Variants in PDIA4 observed in about 807,000 individuals in gnomAD.
The protein encoded by PDIA4 is protein disulfide isomerase family A member 4.
PDIA4 carries 33 observed loss-of-function variants against 62.1 expected under a neutral mutation model. That is an observed-to-expected ratio of 0.53 (90% CI 0.40 to 0.71). PDIA4 has a LOEUF of 0.71. Among genes scored for constraint, PDIA4 ranks in the 30% least tolerant of loss-of-function variants. The pLI, the probability that PDIA4 is intolerant of heterozygous loss-of-function variation, is 0.00. For missense variants in PDIA4, 804 were observed against 813.6 expected, an observed-to-expected ratio of 0.99 and a Z score of 0.14; for synonymous variants, 341 against 324.1, an observed-to-expected ratio of 1.05 and a Z score of -0.56.
At chr7:149,018,940 C>T (rs1824243418) in intron 3 of PDIA4, 52 bp downstream of exon 3, 2 of 1,390,180 alleles carry the variant, frequency 1.4e-6, no homozygotes, top group Non-Finnish European at 2.0e-6. Flanking sequence ...AGCCAAATTC[C>T]CATTCCCTGC....
intron 6 of PDIA4, among the ~76,000 whole-genome samples, chr7:149,010,760 G>A (rs1585416443): frequency 6.6e-6 from 1 of 152,316 alleles, no homozygotes; most frequent in Non-Finnish European, 1.5e-5. Flanking sequence ...CCCATCTGCA[G>A]CCCTAACCCT....
At chr7:149,022,229 GA>G (rs1361271478) in intron 1 of PDIA4, among the ~76,000 whole-genome samples, 4 of 152,090 alleles carry the variant, frequency 2.6e-5, no homozygotes, top group Admixed American at 2.0e-4. Context: ...AAGAGGGCGG[GA>G]AATCTCATTT....
At position 149,028,325 on chromosome 7, in the gene PDIA4, G is replaced by T. The variant is rs368592590; in HGVS notation, c.84C>A (p.Asp28Glu). 3,790 of 1,520,710 alleles carry T rather than the reference G, an allele frequency of 2.5e-3. 13 individuals are homozygous for T. The highest frequency in any genetic ancestry group is 3.0e-3 in the Non-Finnish European group (3,460 of 1,137,568). 94.2% of individuals were successfully genotyped at this position (1,520,710 alleles called of 1,614,324 possible). ...CGCGGCGCGCTTGCCGCTCACCCTC[G>T]TCCGGGCCCTCGGCACCCGCCACGG... is the stretch of plus-strand genomic sequence containing the variant. ...LLAVAGAEGPDEDSSNRENAI... is the reference protein window; with the variant it reads ...LLAVAGAEGPEEDSSNRENAI... The change falls in exon 1 of 10, where the codon GAC becomes GAA. Residue 28 changes from aspartate to glutamate, a missense_variant. Asp to Glu is a conservative substitution (Grantham distance 45, BLOSUM62 2). Coordinates refer to ENST00000652332, the MANE Select transcript of PDIA4 (RefSeq NM_004911.5).
intron 1 of PDIA4, among the ~76,000 whole-genome samples, chr7:149,027,512 A>G (rs1322721685): frequency 6.6e-6 from 1 of 152,248 alleles, no homozygotes; most frequent in African/African-American, 2.4e-5. Context: ...GCAGAGAGGA[A>G]GAAGGTAAAG....
chr7:149,012,128 T>C (rs1274964078), intron 5 of PDIA4, 27 bp downstream of exon 5: 2 of 1,604,292 alleles, frequency 1.2e-6, no homozygotes, highest in Non-Finnish European at 1.7e-6. Context: ...TTCCCCACTG[T>C]AGTGGGAGAG....
Position 149,018,906 on chromosome 7 carries a change from ACC to A in PDIA4, c.475+84_475+85del, listed in dbSNP as rs1174295002. The A allele has an allele frequency of 1.1e-4, 92 of 809,172 alleles. 1 individual carries two copies. The highest frequency in any genetic ancestry group is 1.7e-4 in the Non-Finnish European group (84 of 502,410). The allele number at this position is 809,172 out of a possible 1,614,324, so 50.1% of individuals were successfully genotyped here. On this transcript the variant is annotated intron_variant, in intron 3 of 9. Transcript: ENST00000652332. ...GTTCCTGAGAAAGTCAGTCCCTGGTACCCTCAGCTTTTCTTCCTCTATTAGCC... is the reference window on the plus strand; with the variant it reads ...GTTCCTGAGAAAGTCAGTCCCTGGTACTCAGCTTTTCTTCCTCTATTAGCC...
chr7:149,008,280 T>C lies in PDIA4; in HGVS notation c.1010A>G (p.His337Arg). The change falls in exon 7 of 10, where the codon CAC becomes CGC. Residue 337 changes from histidine (H) to arginine (R), a missense_variant. By Grantham distance (29) the His-to-Arg change is conservative. Coordinates refer to ENST00000652332, the MANE Select transcript of PDIA4 (RefSeq NM_004911.5). ...TGCTATTTCTGTGCTGAAAGTGTGGTGAAATTTGTAATCTTCTCTCAGGTT... is the reference window on the plus strand; with the variant it reads ...TGCTATTTCTGTGCTGAAAGTGTGGCGAAATTTGTAATCTTCTCTCAGGTT... ...ANNLREDYKF[H>R]HTFSTEIAKF... 6.2e-7 allele frequency: 1 copy of C among 1,613,936 alleles called. No individual in the cohort carries two copies. Among genetic ancestry groups the C allele is most frequent in the South Asian group, 1.1e-5 (1 of 91,040 alleles).
chr7:149,023,433 A>G (rs1824424830), intron 1 of PDIA4, among the ~76,000 whole-genome samples: 1 of 152,172 alleles, frequency 6.6e-6, no homozygotes, highest in African/African-American at 2.4e-5. Flanking sequence ...AAGCCCAAGT[A>G]TTAGGGTTGG....
chr7:149,008,866 C>T (rs1212227523), intron 6 of PDIA4, among the ~76,000 whole-genome samples: 3 of 152,180 alleles, frequency 2.0e-5, no homozygotes, highest in Non-Finnish European at 1.5e-5. Context: ...GTGGCTCACG[C>T]CTGTAATCTC....
At chr7:149,006,671 CAG>C (rs990862604) in intron 7 of PDIA4, among the ~76,000 whole-genome samples, 12 of 152,166 alleles carry the variant, frequency 7.9e-5, no homozygotes, top group Admixed American at 7.2e-4. Context: ...AGGGAGGCAG[CAG>C]AGACTGAGGC....
intron 9 of PDIA4, 50 bp downstream of exon 9, chr7:149,005,091 C>G (rs199679337): frequency 3.4e-6 from 5 of 1,450,988 alleles, no homozygotes; most frequent in Non-Finnish European, 4.8e-6. Flanking sequence ...GGATTCCGCA[C>G]GAGGAGCACA....
chr7:149,020,106 G>T lies in PDIA4; in HGVS notation c.269+861C>A, dbSNP rs1824290382. ...CTCCCGAATAGCCGGGACTACAGGTGCGTGCCAACCACCATGCCTAATTTT... is the reference window on the plus strand; with the variant it reads ...CTCCCGAATAGCCGGGACTACAGGTTCGTGCCAACCACCATGCCTAATTTT... On this transcript the variant is annotated intron_variant, in intron 2 of 9. Coordinates refer to ENST00000652332, the MANE Select transcript of PDIA4 (RefSeq NM_004911.5). Among the ~76,000 whole-genome samples, 5 of 152,164 alleles carry T rather than the reference G, an allele frequency of 3.3e-5. No individual in the cohort carries two copies. In the South Asian group the frequency reaches 1.0e-3, roughly 32 times the overall value.
chr7:149,007,903 G>A (rs1823816420), intron 7 of PDIA4, among the ~76,000 whole-genome samples: 1 of 152,252 alleles, frequency 6.6e-6, no homozygotes, highest in Non-Finnish European at 1.5e-5. Flanking sequence ...AACTGTTCTG[G>A]CAAAACCAAG....
At position 149,018,792 on chromosome 7, in the gene PDIA4, G is replaced by A. The variant is rs543087771; in HGVS notation, c.475+200C>T. 2.5e-4 allele frequency among the ~76,000 whole-genome samples: 36 copies of A among 145,852 alleles called. No homozygotes were observed. The South Asian group carries it at 5.9e-3, about 24-fold the overall frequency. ...AGAGTCTGAAATGTAAAGATGCCACGCCCCAACCCACCCTGCCCACCCCAC... is the reference window on the plus strand; with the variant it reads ...AGAGTCTGAAATGTAAAGATGCCACACCCCAACCCACCCTGCCCACCCCAC... On this transcript the variant is annotated intron_variant, in intron 3 of 9. Coordinates refer to ENST00000652332, the MANE Select transcript of PDIA4 (RefSeq NM_004911.5).
In PDIA4 at chr7:149,008,301, A is replaced by G. The variant is rs1823829841; in HGVS notation, c.989T>C (p.Leu330Pro). The change falls in exon 7 of 10, where the codon CTG becomes CCG. Residue 330 changes from leucine to proline, a missense_variant. Coordinates refer to ENST00000652332, the MANE Select transcript of PDIA4 (RefSeq NM_004911.5). ...YQQYQDAANN[L>P]REDYKFHHTF... ...GTGGTGAAATTTGTAATCTTCTCTC[A>G]GGTTGTTAGCTGAAACGTTAACAGA... The G allele has an allele frequency of 6.2e-7, 1 of 1,612,702 alleles. No individual in the cohort carries two copies. Among genetic ancestry groups the G allele is most frequent in the Non-Finnish European group, 8.5e-7 (1 of 1,179,570 alleles).
At chr7:149,022,304 A>G (rs917873975) in intron 1 of PDIA4, among the ~76,000 whole-genome samples, 6 of 152,190 alleles carry the variant, frequency 3.9e-5, no homozygotes, top group African/African-American at 1.4e-4. Flanking sequence ...TGGGGTCAAC[A>G]TGTATCAAAA....
chr7:149,024,811 A>ATT (rs1289144927), intron 1 of PDIA4, among the ~76,000 whole-genome samples: 10 of 80,460 alleles, frequency 1.2e-4, no homozygotes, highest in African/African-American at 4.0e-4. Flanking sequence ...CAAGACTGTC[A>ATT]TTTAAAAAAA....
Position 149,028,441 on chromosome 7 carries a change from C to A in PDIA4, c.-33G>T, listed in dbSNP as rs932207254. ...GGGGCGGAGCGCGGCCTCCTAGCGTCGGCGGCCGCTGAGCGCACCGAGAAC... is the reference window on the plus strand; with the variant it reads ...GGGGCGGAGCGCGGCCTCCTAGCGTAGGCGGCCGCTGAGCGCACCGAGAAC... On this transcript the variant is annotated 5_prime_UTR_variant, in exon 1 of 10. Transcript: ENST00000652332. 7.1e-7 allele frequency: 1 copy of A among 1,407,334 alleles called. No individual in the cohort carries two copies. Among genetic ancestry groups the A allele is most frequent in the African/African-American group, 1.5e-5 (1 of 66,390 alleles). The allele number at this position is 1,407,334 out of a possible 1,614,324, so 87.2% of individuals were successfully genotyped here. A position where few individuals can be genotyped will look rare whatever the true frequency, so the allele number is the denominator to read the frequency against.
intron 6 of PDIA4, among the ~76,000 whole-genome samples, chr7:149,010,030 G>T (rs764721846): frequency 6.6e-6 from 1 of 152,190 alleles, no homozygotes; most frequent in South Asian, 2.1e-4. Flanking sequence ...ATGTTTTTGG[G>T]AGGGCAGGGG....
Sources: allele counts gnomAD v4.1 joint callset (sites outside exome capture counted in the v4.1 genomes callset), GRCh38; gene constraint gnomAD v4.1.1; transcripts MANE v1.5; gene names NCBI Gene and HGNC (gene_info 2026-07-23, HGNC 2026-07-21).